GABRE: variants seen among roughly 807,000 people sequenced by gnomAD.
GABRE encodes gamma-aminobutyric acid receptor subunit epsilon.
GABRE carries 20 observed loss-of-function variants against 31.0 expected under a neutral mutation model. That is an observed-to-expected ratio of 0.64 (90% CI 0.45 to 0.94). The LOEUF is 0.94. GABRE is among the 40% of genes least tolerant of loss of function. The pLI is 0.00. For synonymous variants in GABRE, 155 were observed against 150.6 expected (o/e 1.03, Z -0.21); for missense variants, 420 against 410.7 (o/e 1.02, Z -0.20).
intron 4 of GABRE, among the ~76,000 whole-genome samples, chrX:151,961,807 GAAAAC>G (rs61666720): frequency 0.018 from 1,903 of 108,038 alleles, 20 homozygotes; most frequent in African/African-American, 0.033. Flanking sequence ...TAACAAGAGA[GAAAAC>G]AAAACAAAAC....
In GABRE at chrX:151,962,430, T is replaced by A. The variant is rs1247776819; in HGVS notation, c.556A>T (p.Thr186Ser). The A allele has an allele frequency of 5.8e-6, 7 of 1,206,348 alleles. No homozygotes were observed. The highest frequency in any genetic ancestry group is 6.7e-6 in the Non-Finnish European group (6 of 891,512). The change falls in exon 4 of 9, where the codon ACA becomes TCA. Residue 186 changes from threonine (T) to serine (S), a missense_variant. Physicochemically the swap from Thr to Ser is moderately conservative, Grantham distance 58. Transcript: ENST00000370328. Reference protein sequence around the residue: ...RIYKDGKVLYTIRMTIDAGCS... With the variant: ...RIYKDGKVLYSIRMTIDAGCS... ...TCCAGAGGCTTGACATACCTAATTG[T>A]GTACAACACCTTGCCATCCTTGTAG... is the stretch of plus-strand genomic sequence containing the variant.
intron 3 of GABRE, among the ~76,000 whole-genome samples, chrX:151,964,516 G>A (rs948963311): frequency 4.5e-5 from 5 of 111,638 alleles, no homozygotes; most frequent in Non-Finnish European, 9.4e-5. Context: ...GACAGGCGAT[G>A]GTGGCTTAAT....
chrX:151,970,046 C>A, intron 2 of GABRE, 139 bp downstream of exon 2: 1 of 1,118,126 alleles, frequency 8.9e-7, no homozygotes, highest in Non-Finnish European at 1.2e-6. Flanking sequence ...GAGTTAATAT[C>A]TCTTACCTGA....
chrX:151,969,486 A>G (rs138244068), intron 3 of GABRE, 183 bp downstream of exon 3: 553 of 350,913 alleles, frequency 1.6e-3, no homozygotes, highest in African/African-American at 9.4e-3. Flanking sequence ...CTCTTCAAGT[A>G]GCAAGGGACT....
Position 151,954,335 on chromosome X carries a change from A to C in GABRE, c.*366T>G. 6.8e-6 allele frequency: 1 copy of C among 146,994 alleles called. No individual in the cohort carries two copies. The highest frequency in any genetic ancestry group is 1.3e-5 in the Non-Finnish European group (1 of 75,685). The allele number at this position is 146,994 out of a possible 1,213,427, so 12.1% of individuals were successfully genotyped here. A position where few individuals can be genotyped will look rare whatever the true frequency, so the allele number is the denominator to read the frequency against. On this transcript the variant is annotated 3_prime_UTR_variant, in exon 9 of 9. Coordinates refer to ENST00000370328, the MANE Select transcript of GABRE (RefSeq NM_004961.4). ...TAGTGGGCTTCTGGAAAAATGCAGT[A>C]ATTGTCTGGTGGTCAGCATTGTTGG...
chrX:151,974,486 C>T, intron 1 of GABRE, 84 bp downstream of exon 1: 3 of 665,625 alleles, frequency 4.5e-6, no homozygotes, highest in Non-Finnish European at 4.4e-6. Flanking sequence ...AACGCGGGGC[C>T]GCTGGGGTCC....
intron 3 of GABRE, 169 bp downstream of exon 3, chrX:151,969,500 C>T (rs976535005): frequency 7.5e-6 from 3 of 397,533 alleles, no homozygotes; most frequent in Admixed American, 5.4e-5. Context: ...AGGGACTTAC[C>T]TTTTCCAGTC....
intron 6 of GABRE, chrX:151,958,598 C>A (rs1416134176): frequency 2.6e-6 from 1 of 381,118 alleles, no homozygotes; most frequent in East Asian, 7.5e-5. Context: ...GTCACTAGGG[C>A]ACCATTTTGA....
In GABRE at chrX:151,955,787, G is replaced by A; in HGVS notation, c.858C>T (p.Val286=). 8.3e-7 allele frequency: 1 copy of A among 1,211,681 alleles called. No individual in the cohort carries two copies. The highest frequency in any genetic ancestry group is 1.1e-6 in the Non-Finnish European group (1 of 895,306). Residue 286 remains valine, a synonymous_variant, in exon 7 of 9, where the codon GTC becomes GTT. Coordinates refer to ENST00000370328, the MANE Select transcript of GABRE (RefSeq NM_004961.4). The stretch of plus-strand genomic sequence containing the variant: ...AGAGCATCGTGGTCACGGAAGAAGG[G>A]ACATAGTTTTGAAAGGCAACATAGC... The part of the protein sequence containing the change: ...RFGYVAFQNY[V]PSSVTTMLSW...
rs781260349 is a variant in GABRE, at chrX:151,955,441, A to G, written c.1064T>C (p.Leu355Pro). Residue 355 changes from leucine to proline, a missense_variant, in exon 8 of 9, where the codon CTG becomes CCG. Leu to Pro is a moderately conservative substitution (Grantham distance 98). Coordinates refer to ENST00000370328, the MANE Select transcript of GABRE (RefSeq NM_004961.4). ...GAAGTTGAGCACAGCAAACTCCAAC[A>G]GAGCGCAGAAGCAGAAGACGAAGCA... ...AICFVFCFCA[L>P]LEFAVLNFLI... The G allele has an allele frequency of 2.5e-5, 30 of 1,210,458 alleles. No individual in the cohort carries two copies. The highest frequency in any genetic ancestry group is 3.1e-5 in the Non-Finnish European group (28 of 895,241).
At chrX:151,970,025 T>A (rs1432707625) in intron 2 of GABRE, 160 bp downstream of exon 2, 26 of 1,097,031 alleles carry the variant, frequency 2.4e-5, no homozygotes, top group Non-Finnish European at 3.0e-5. Context: ...TCAATGACAC[T>A]GCTGAGAATA....
At chrX:151,973,050 A>T (rs56835007) in intron 1 of GABRE, among the ~76,000 whole-genome samples, 1 of 16,936 alleles carries the variant, frequency 5.9e-5, no homozygotes, top group East Asian at 0.14. Context: ...TTTCTAAATC[A>T]GATCTTTTTT....
rs769047265 is a variant in GABRE at position 151,955,373 on chromosome X, G to A, written c.1132C>T (p.Arg378Cys). The A allele has an allele frequency of 2.8e-5, 34 of 1,209,933 alleles. 1 individual carries two copies. The South Asian group carries it at 3.3e-4, about 12-fold the overall frequency. Residue 378 changes from arginine to cysteine, a missense_variant, in exon 8 of 9, where the codon CGC becomes TGC. Arg to Cys is a radical substitution (Grantham distance 180, BLOSUM62 -3). Transcript: ENST00000370328. ...CTCCCATACCCAGCTCATACATGGC[G>A]GAGTTTAGGAGAAGCATGGGCTTTT... ...QTKAHASPKL[R>C]HPRINSRAHA...
At chrX:151,972,479 T>C in intron 1 of GABRE, 1 of 753,203 alleles carries the variant, frequency 1.3e-6, no homozygotes, top group Non-Finnish European at 1.6e-6. Flanking sequence ...CAGTCAGTGG[T>C]AGACTGAGCA....
intron 3 of GABRE, among the ~76,000 whole-genome samples, chrX:151,969,002 A>T (rs1340591709): frequency 8.9e-6 from 1 of 112,448 alleles, no homozygotes; most frequent in Non-Finnish European, 1.9e-5. Context: ...GACAAGTAAG[A>T]AAGTGGAACA....
At chrX:151,973,319 C>A (rs1934777038) in intron 1 of GABRE, among the ~76,000 whole-genome samples, 1 of 111,263 alleles carries the variant, frequency 9.0e-6, no homozygotes, top group Non-Finnish European at 1.9e-5. Flanking sequence ...CACCCCAGAG[C>A]CATCTTTTGC....
chrX:151,970,078 T>C (rs1934640870), intron 2 of GABRE, 107 bp downstream of exon 2: 1 of 1,151,870 alleles, frequency 8.7e-7, no homozygotes, highest in Non-Finnish European at 1.2e-6. Flanking sequence ...CAGATGTTCC[T>C]GTCCATGAGC....
chrX:151,971,355 C>A, intron 1 of GABRE: 1 of 296,220 alleles, frequency 3.4e-6, no homozygotes, highest in Non-Finnish European at 6.5e-6. Flanking sequence ...ATCAAAATGC[C>A]CCACTTGCTA....
At position 151,961,347 on chromosome X, in the gene GABRE, T is replaced by A; in HGVS notation, c.582A>T (p.Gly194=). The change falls in exon 5 of 9, where the codon GGA becomes GGT. Residue 194 remains glycine (G), a synonymous_variant. Transcript: ENST00000370328. ...LYTIRMTIDA[G]CSLHMLRFPM... is the part of the protein sequence containing the mutation. ...GAAATCTGAGCATGTGGAGTGAGCA[T>A]CCGGCATCAATGGTCATCCTGGAAG... 1.7e-6 allele frequency: 2 copies of A among 1,204,098 alleles called. No individual in the cohort carries two copies. The highest frequency in any genetic ancestry group is 1.1e-6 in the Non-Finnish European group (1 of 889,044).
Sources: gnomAD v4.1 joint callset for allele counts (sites outside exome capture counted in the v4.1 genomes callset) on GRCh38, gnomAD v4.1.1 for gene constraint, MANE v1.5 for transcripts, NCBI Gene and HGNC (gene_info 2026-07-23, HGNC 2026-07-21) for gene names.